Variants in GLIS3 observed in about 807,000 individuals in gnomAD.
GLIS3 encodes the protein zinc finger protein GLIS3.
Under a neutral mutation model 78.6 loss-of-function variants are expected in GLIS3, and 53 were observed. That is an observed-to-expected ratio of 0.67 (90% confidence interval 0.54 to 0.85). GLIS3 has a LOEUF of 0.85. GLIS3 is among the 40% of genes least tolerant of loss of function. GLIS3 has a pLI of 0.00. For synonymous variants in GLIS3, 684 were observed against 509.9 expected (o/e 1.34, Z -4.60); for missense variants, 1,703 against 1,231.1 (o/e 1.38, Z -5.74).
At chr9:4,294,678 CCTGT>C (rs1360242977) in intron 1 of GLIS3, among the ~76,000 whole-genome samples, 3 of 149,874 alleles carry the variant, frequency 2.0e-5, no homozygotes, top group Non-Finnish European at 4.5e-5. Context: ...GTTTCACTTT[CCTGT>C]CTAAATTCTA....
intron 8 of GLIS3, among the ~76,000 whole-genome samples, chr9:3,872,320 G>A (rs1356200690): frequency 3.3e-5 from 5 of 152,152 alleles, no homozygotes; most frequent in Non-Finnish European, 7.4e-5. Context: ...CAGTCCCAAA[G>A]TTGCTTCCAC....
At chr9:4,189,926 C>G (rs920172600) in intron 2 of GLIS3, among the ~76,000 whole-genome samples, 2 of 152,024 alleles carry the variant, frequency 1.3e-5, no homozygotes, top group African/African-American at 2.4e-5. Flanking sequence ...CAAACAGCGT[C>G]TGGAGTGGAC....
intron 4 of GLIS3, among the ~76,000 whole-genome samples, chr9:3,947,257 T>C (rs539308506): frequency 1.3e-4 from 20 of 152,342 alleles, no homozygotes; most frequent in African/African-American, 4.8e-4. Context: ...TTATTAAGAA[T>C]TGGCTTGCTT....
intron 7 of GLIS3, among the ~76,000 whole-genome samples, chr9:3,897,557 T>TTTG (rs1202734931): frequency 2.0e-5 from 3 of 152,180 alleles, no homozygotes; most frequent in Non-Finnish European, 4.4e-5. Context: ...TCAACCCTTC[T>TTTG]TCGTCTCATC....
intron 6 of GLIS3, among the ~76,000 whole-genome samples, chr9:3,925,302 C>T (rs1173859721): frequency 2.0e-5 from 3 of 152,122 alleles, no homozygotes; most frequent in Non-Finnish European, 4.4e-5. Context: ...GCTGGCATCT[C>T]CCGGTGTGTC....
At chr9:4,302,075 T>C (rs1204236343), upstream of GLIS3, among the ~76,000 whole-genome samples, 1 of 152,136 alleles carries the variant, frequency 6.6e-6, no homozygotes, top group Admixed American at 6.5e-5. Flanking sequence ...GTTGTTCTTG[T>C]ACCAGTACAA....
intron 4 of GLIS3, among the ~76,000 whole-genome samples, chr9:4,027,621 G>C (rs1358993063): frequency 6.6e-6 from 1 of 152,156 alleles, no homozygotes; most frequent in East Asian, 1.9e-4. Context: ...GCAAGAGTGT[G>C]AATGCCATAA....
intron 4 of GLIS3, among the ~76,000 whole-genome samples, chr9:4,058,160 T>C (rs1447386992): frequency 6.6e-6 from 1 of 152,064 alleles, no homozygotes; most frequent in Non-Finnish European, 1.5e-5. Flanking sequence ...AGGAAGTAAA[T>C]CCAGGATTTA....
At chr9:3,947,025 CCT>C (rs1255579137) in intron 4 of GLIS3, among the ~76,000 whole-genome samples, 5 of 152,186 alleles carry the variant, frequency 3.3e-5, no homozygotes, top group Non-Finnish European at 7.3e-5. Flanking sequence ...CGACGCCACG[CCT>C]CTGTCGGCCA....
chr9:4,280,892 A>C (rs1360523974), intron 2 of GLIS3, among the ~76,000 whole-genome samples: 1 of 152,126 alleles, frequency 6.6e-6, no homozygotes, highest in Non-Finnish European at 1.5e-5. Context: ...CACCTACTGC[A>C]GTCTTCTCTG....
intron 4 of GLIS3, among the ~76,000 whole-genome samples, chr9:4,089,815 C>T (rs1829341177): frequency 6.6e-6 from 1 of 152,030 alleles, no homozygotes; most frequent in African/African-American, 2.4e-5. Context: ...AAGACCCTGA[C>T]AAAAACAACA....
intron 2 of GLIS3, among the ~76,000 whole-genome samples, chr9:4,196,068 G>T (rs571889038): frequency 2.0e-4 from 31 of 151,660 alleles, no homozygotes; most frequent in Non-Finnish European, 4.4e-4. Flanking sequence ...GATTGTGAAT[G>T]GACCAATCAG....
the GLIS3 span, among the ~76,000 whole-genome samples, chr9:4,366,540 A>ATTC: frequency 6.6e-6 from 1 of 152,320 alleles, no homozygotes; most frequent in Non-Finnish European, 1.5e-5. Context: ...CAGAGAAGGA[A>ATTC]CGTTCCATTC....
At chr9:4,478,360 C>A in the GLIS3 span, among the ~76,000 whole-genome samples, 1 of 152,152 alleles carries the variant, frequency 6.6e-6, no homozygotes, top group East Asian at 1.9e-4. Context: ...GTATGTAATC[C>A]CAGCAATTTG....
intron 2 of GLIS3, among the ~76,000 whole-genome samples, chr9:4,262,444 G>A (rs539446347): frequency 1.3e-5 from 2 of 152,042 alleles, no homozygotes; most frequent in African/African-American, 2.4e-5. Flanking sequence ...AGGCTAAATC[G>A]GAGGTTCTCA....
At chr9:4,202,929 C>G (rs113256637) in intron 2 of GLIS3, among the ~76,000 whole-genome samples, 2,912 of 152,226 alleles carry the variant, frequency 0.019, 91 homozygotes, top group African/African-American at 0.067. Flanking sequence ...ATGACTAAGT[C>G]CTAAAGTCAA....
rs556870575 is a variant in GLIS3 at position 4,250,874 on chromosome 9, G to A, written c.388+35164C>T. On this transcript the variant is annotated intron_variant, in intron 2 of 10. Coordinates refer to ENST00000381971, the MANE Select transcript of GLIS3 (RefSeq NM_001042413.2). Reference sequence around the variant, plus strand: ...CTGCCTTAATTTCGTTATTTACCCAGTAGTCATTCAGGAGCAGGTTGTTCA... The same window carrying A: ...CTGCCTTAATTTCGTTATTTACCCAATAGTCATTCAGGAGCAGGTTGTTCA... Among the ~76,000 whole-genome samples the A allele has an allele frequency of 2.6e-5, 4 of 152,348 alleles. No individual in the cohort carries two copies. In the East Asian group the frequency reaches 7.7e-4, roughly 29 times the overall value.
intron 6 of GLIS3, among the ~76,000 whole-genome samples, chr9:3,926,323 T>C (rs1025712087): frequency 8.7e-5 from 13 of 149,274 alleles, no homozygotes; most frequent in Admixed American, 4.7e-4. Flanking sequence ...CTCCACCTCC[T>C]GGGGTCATGC....
intron 2 of GLIS3, among the ~76,000 whole-genome samples, chr9:4,157,621 C>A (rs1353067328): frequency 6.6e-6 from 1 of 152,168 alleles, no homozygotes; most frequent in African/African-American, 2.4e-5. Flanking sequence ...TAAATTATAA[C>A]CTATAAACCC....
Sources: allele counts gnomAD v4.1 joint callset (sites outside exome capture counted in the v4.1 genomes callset), GRCh38; gene constraint gnomAD v4.1.1; transcripts MANE v1.5; gene names NCBI Gene and HGNC (gene_info 2026-07-23, HGNC 2026-07-21).